BRINP2: variants seen among roughly 807,000 people sequenced by gnomAD.
BRINP2 encodes the protein BMP/retinoic acid-inducible neural-specific protein 2.
In BRINP2, 21 loss-of-function variants were observed where a neutral mutation model predicts 69.2. The ratio of observed to expected loss-of-function variants is 0.30; its 90% CI spans 0.22 to 0.44. BRINP2 has a LOEUF of 0.44. BRINP2 is among the 20% of genes least tolerant of loss of function. BRINP2 has a pLI of 1.00. For synonymous variants in BRINP2, 380 were observed against 394.1 expected (o/e 0.96, Z 0.42); for missense variants, 877 against 986.0 (o/e 0.89, Z 1.48).
chr1:177,281,093 T>A lies in BRINP2; in HGVS notation c.1917T>A (p.Phe639Leu). 2.5e-6 allele frequency: 4 copies of A among 1,614,236 alleles called. No individual in the cohort carries two copies. The highest frequency in any genetic ancestry group is 3.4e-6 in the Non-Finnish European group (4 of 1,180,040). Residue 639 changes from phenylalanine to leucine, a missense_variant, in exon 8 of 8, where the codon TTT becomes TTA. By Grantham distance (22) the Phe-to-Leu change is conservative (BLOSUM62 0). This residue lies in a region of BRINP2 where 225 missense variants were observed against 218.7 expected (regional missense o/e 1.03). Coordinates refer to ENST00000361539, the MANE Select transcript of BRINP2 (RefSeq NM_021165.4). Reference protein sequence around the residue: ...ITLGNRWKTFFETVHVYLRSR... With the variant: ...ITLGNRWKTFLETVHVYLRSR... ...TGGGGAATAGGTGGAAGACTTTCTT[T>A]GAGACAGTTCATGTTTACCTACGGA...
At chr1:177,218,223 G>A (rs1048412386) in intron 1 of BRINP2, among the ~76,000 whole-genome samples, 10 of 151,664 alleles carry the variant, frequency 6.6e-5, no homozygotes, top group African/African-American at 2.2e-4. Flanking sequence ...GACTGTAGCA[G>A]ATCTAGTGCC....
Position 177,278,776 on chromosome 1 carries a change from C to G in BRINP2, c.1226C>G (p.Pro409Arg), listed in dbSNP as rs766797619. Residue 409 changes from proline (P) to arginine (R), a missense_variant, in exon 7 of 8, where the codon CCC (proline) becomes CGC (arginine). By Grantham distance (103) the Pro-to-Arg change is moderately radical. Transcript: ENST00000361539. ...CATCGCCAGCCTCGCTTCCGCCTGC[C>G]CAAGGAGAGGTGAGCACCCCCTGGC... ...RCHRQPRFRL[P>R]KERSLSYWWN... 7 of 1,613,810 alleles carry G rather than the reference C, an allele frequency of 4.3e-6. No homozygotes were observed. In the East Asian group the frequency reaches 8.9e-5, roughly 21 times the overall value.
chr1:177,222,349 T>C (rs1649562201), intron 1 of BRINP2, among the ~76,000 whole-genome samples: 1 of 152,122 alleles, frequency 6.6e-6, no homozygotes, highest in African/African-American at 2.4e-5. Context: ...TCTCACTCTA[T>C]TGCCCAGGCT....
In BRINP2 at chr1:177,281,001, A is replaced by G. The variant is rs1215987328; in HGVS notation, c.1825A>G (p.Ser609Gly). 1 of 1,614,092 alleles carries G rather than the reference A, an allele frequency of 6.2e-7. No homozygotes were observed. Among genetic ancestry groups the G allele is most frequent in the East Asian group, 2.2e-5 (1 of 44,886 alleles). ...ESWFMPVNEG[S>G]FPDWERTNVD... ...CTGGTTCATGCCTGTGAATGAGGGC[A>G]GCTTTCCTGACTGGGAAAGGACTAA... Residue 609 changes from serine (S) to glycine (G), a missense_variant, in exon 8 of 8, where the codon AGC becomes GGC. By Grantham distance (56) the Ser-to-Gly change is moderately conservative. Around this residue, in one of 3 missense-constraint regions of BRINP2, gnomAD observed 225 missense variants for 218.7 expected, o/e 1.03. Coordinates refer to ENST00000361539, the MANE Select transcript of BRINP2 (RefSeq NM_021165.4).
chr1:177,224,122 T>G (rs1416035910), intron 1 of BRINP2, among the ~76,000 whole-genome samples: 1 of 152,142 alleles, frequency 6.6e-6, no homozygotes. Context: ...ACCCTCCCTT[T>G]CTTGTAAAAA....
At chr1:177,232,049 T>C (rs999647601) in intron 2 of BRINP2, among the ~76,000 whole-genome samples, 3 of 152,178 alleles carry the variant, frequency 2.0e-5, no homozygotes, top group Non-Finnish European at 4.4e-5. Context: ...TCCAGTAAAA[T>C]AAGATTTAAT....
chr1:177,276,127 C>T (rs1302731810), intron 5 of BRINP2, 71 bp from the exon 6 acceptor site: 20 of 1,407,804 alleles, frequency 1.4e-5, no homozygotes, highest in Non-Finnish European at 2.0e-5. Flanking sequence ...GGGATTCCTG[C>T]AGGCTTGGGC....
chr1:177,188,933 A>G (rs1319561658), intron 1 of BRINP2, among the ~76,000 whole-genome samples: 1 of 152,176 alleles, frequency 6.6e-6, no homozygotes, highest in African/African-American at 2.4e-5. Context: ...TAAAACACTC[A>G]TATTTTCTAA....
chr1:177,270,133 A>G (rs1203454307), intron 4 of BRINP2, among the ~76,000 whole-genome samples: 1 of 151,408 alleles, frequency 6.6e-6, no homozygotes, highest in Non-Finnish European at 1.5e-5. Flanking sequence ...GTACTCAGGC[A>G]ATAACTGCAA....
Position 177,278,711 on chromosome 1 carries a change from T to A in BRINP2, c.1161T>A (p.His387Gln). 6.2e-7 allele frequency: 1 copy of A among 1,614,158 alleles called. No homozygotes were observed. Among genetic ancestry groups the A allele is most frequent in the Non-Finnish European group, 8.5e-7 (1 of 1,180,046 alleles). ...TGAAAGTGCTGTTCAAAAAGACCCA[T>A]CGGATCCTACGCCGGCTCTTCAACC... ...AGLKVLFKKT[H>Q]RILRRLFNLC... Residue 387 changes from histidine to glutamine, a missense_variant, in exon 7 of 8, where the codon CAT becomes CAA. Coordinates refer to ENST00000361539, the MANE Select transcript of BRINP2 (RefSeq NM_021165.4).
chr1:177,216,712 G>A (rs1649388422), intron 1 of BRINP2, among the ~76,000 whole-genome samples: 1 of 151,596 alleles, frequency 6.6e-6, no homozygotes, highest in Non-Finnish European at 1.5e-5. Context: ...TGTTTGTCTG[G>A]GAAAGTTTTT....
intron 4 of BRINP2, among the ~76,000 whole-genome samples, chr1:177,267,646 A>G (rs1195904031): frequency 6.6e-6 from 1 of 152,200 alleles, no homozygotes; most frequent in Non-Finnish European, 1.5e-5. Context: ...AATTCTCTTG[A>G]GAAAGAATCT....
chr1:177,272,721 T>C (rs1350420402), intron 4 of BRINP2, among the ~76,000 whole-genome samples: 3 of 152,106 alleles, frequency 2.0e-5, no homozygotes, highest in Non-Finnish European at 1.5e-5. Context: ...TACTTGTTGA[T>C]TGATTGTTGG....
At chr1:177,246,431 T>C (rs1650384238) in intron 2 of BRINP2, among the ~76,000 whole-genome samples, 1 of 152,256 alleles carries the variant, frequency 6.6e-6, no homozygotes, top group South Asian at 2.1e-4. Context: ...AATAGTTGAT[T>C]AATGATATTT....
At chr1:177,186,135 C>A (rs1258477336) in intron 1 of BRINP2, among the ~76,000 whole-genome samples, 1 of 152,118 alleles carries the variant, frequency 6.6e-6, no homozygotes, top group Non-Finnish European at 1.5e-5. Flanking sequence ...CTGGCCATCC[C>A]GCTGACAACT....
chr1:177,246,317 G>T (rs1650379581), intron 2 of BRINP2, among the ~76,000 whole-genome samples: 1 of 152,220 alleles, frequency 6.6e-6, no homozygotes, highest in Non-Finnish European at 1.5e-5. Context: ...CATTGGTAGT[G>T]TGGTCTAGGT....
At chr1:177,243,031 T>C (rs185185810) in intron 2 of BRINP2, among the ~76,000 whole-genome samples, 1 of 152,318 alleles carries the variant, frequency 6.6e-6, no homozygotes, top group Admixed American at 6.5e-5. Flanking sequence ...AGTACTTTCG[T>C]TATAGGATTA....
At chr1:177,242,508 G>C (rs530309372) in intron 2 of BRINP2, among the ~76,000 whole-genome samples, 1 of 151,956 alleles carries the variant, frequency 6.6e-6, no homozygotes, top group African/African-American at 2.4e-5. Flanking sequence ...TACCCCAAAA[G>C]CTCTTTATCT....
At chr1:177,254,280 G>A (rs948661364) in intron 2 of BRINP2, among the ~76,000 whole-genome samples, 3 of 151,868 alleles carry the variant, frequency 2.0e-5, no homozygotes, top group African/African-American at 7.2e-5. Context: ...TAAAACTGCT[G>A]GTACTTTAAT....
Sources: allele counts gnomAD v4.1 joint callset (sites outside exome capture counted in the v4.1 genomes callset), GRCh38; gene constraint gnomAD v4.1.1; regional missense constraint gnomAD v4.1.1; transcripts MANE v1.5; gene names NCBI Gene and HGNC (gene_info 2026-07-23, HGNC 2026-07-21).